The following SIPA1L1 variants were observed in gnomAD, a reference collection of about 807,000 sequenced individuals.
The protein encoded by SIPA1L1 is signal induced proliferation associated 1 like 1.
In SIPA1L1, 26 loss-of-function variants were observed where a neutral mutation model predicts 162.7. The ratio of observed to expected loss-of-function variants is 0.16; its 90% confidence interval spans 0.12 to 0.22. The LOEUF (loss-of-function observed/expected upper bound fraction) is 0.22, where lower values mean the gene tolerates loss of function less well. Among genes scored for constraint, SIPA1L1 ranks in the 10% least tolerant of loss-of-function variants. SIPA1L1 has a pLI of 1.00. For missense variants in SIPA1L1, 1,874 were observed against 2,241.0 expected (o/e 0.84, Z 3.31); for synonymous variants, 829 against 837.4 (o/e 0.99, Z 0.17).
chr14:71,564,261 T>G (rs1000593380), intron 4 of SIPA1L1, among the ~76,000 whole-genome samples: 1 of 152,114 alleles, frequency 6.6e-6, no homozygotes, highest in African/African-American at 2.4e-5. Flanking sequence ...ATTTTCCTTC[T>G]TAATACTATT....
intron 4 of SIPA1L1, among the ~76,000 whole-genome samples, chr14:71,537,179 T>C (rs906664264): frequency 1.3e-5 from 2 of 152,174 alleles, no homozygotes; most frequent in African/African-American, 4.8e-5. Flanking sequence ...GGGCTGCTGA[T>C]TCTATTAAGT....
chr14:71,435,678 T>A (rs959191024), intron 2 of SIPA1L1, among the ~76,000 whole-genome samples: 1 of 152,240 alleles, frequency 6.6e-6, no homozygotes, highest in African/African-American at 2.4e-5. Flanking sequence ...TATAGTCCTT[T>A]GGGTATATAC....
At chr14:71,517,508 C>T (rs1314345272) in intron 3 of SIPA1L1, among the ~76,000 whole-genome samples, 1 of 152,020 alleles carries the variant, frequency 6.6e-6, no homozygotes, top group African/African-American at 2.4e-5. Context: ...TTATATGTGT[C>T]TCCGGGCGAC....
intron 2 of SIPA1L1, among the ~76,000 whole-genome samples, chr14:71,509,752 A>G (rs2050968267): frequency 6.6e-6 from 1 of 151,972 alleles, no homozygotes; most frequent in South Asian, 2.1e-4. Context: ...CTCAAAAAAA[A>G]AAAAAAGAAA....
intron 3 of SIPA1L1, among the ~76,000 whole-genome samples, chr14:71,524,899 A>G (rs1210808288): frequency 1.3e-5 from 2 of 152,114 alleles, no homozygotes; most frequent in Admixed American, 6.6e-5. Context: ...AACCTTGCCT[A>G]TCTGTAATCA....
chr14:71,594,687 A>G (rs2035828573), intron 5 of SIPA1L1, among the ~76,000 whole-genome samples: 1 of 152,230 alleles, frequency 6.6e-6, no homozygotes, highest in Non-Finnish European at 1.5e-5. Flanking sequence ...GTTTTTATAC[A>G]TATATAATAA....
At chr14:71,501,624 T>C (rs2050222297) in intron 2 of SIPA1L1, among the ~76,000 whole-genome samples, 1 of 152,208 alleles carries the variant, frequency 6.6e-6, no homozygotes, top group African/African-American at 2.4e-5. Context: ...ATGTTCTCTT[T>C]CCTGATCGAG....
chr14:71,495,150 G>C (rs571984312), intron 2 of SIPA1L1, among the ~76,000 whole-genome samples: 160 of 152,252 alleles, frequency 1.1e-3, no homozygotes, highest in South Asian at 1.9e-3. Context: ...AAAATGAGCT[G>C]GGAAGTGTTG....
At chr14:71,347,161 G>T (rs1167816959) in intron 2 of SIPA1L1, among the ~76,000 whole-genome samples, 1 of 150,630 alleles carries the variant, frequency 6.6e-6, no homozygotes, top group Non-Finnish European at 1.5e-5. Context: ...GGGTATCACC[G>T]CGTTGGCCAG....
In SIPA1L1 at chr14:71,702,962, C is replaced by A. The variant is rs376246793; in HGVS notation, c.3646+457C>A. On this transcript the variant is annotated intron_variant, in intron 15 of 23. Coordinates refer to ENST00000381232, the MANE Select transcript of SIPA1L1 (RefSeq NM_001386936.1). ...CCCTGATGTGCTTTTAAAAAAAATT[C>A]TTCTCACTCTGCTATTAAGCTGTCA... Among the ~76,000 whole-genome samples, 60 of 152,304 alleles carry A rather than the reference C, an allele frequency of 3.9e-4. No individual in the cohort carries two copies. In the South Asian group the frequency reaches 0.012, roughly 29 times the overall value.
intron 2 of SIPA1L1, among the ~76,000 whole-genome samples, chr14:71,396,290 C>T (rs1269158916): frequency 6.6e-6 from 1 of 152,120 alleles, no homozygotes; most frequent in Non-Finnish European, 1.5e-5. Flanking sequence ...TATCTAAAGA[C>T]TTTTTATATA....
At position 71,588,742 on chromosome 14, in the gene SIPA1L1, T is replaced by C. The variant is rs762449566; in HGVS notation, c.870T>C (p.Thr290=). The change falls in exon 5 of 24, where the codon ACT becomes ACC. Residue 290 remains threonine (T), a synonymous_variant. Coordinates refer to ENST00000381232, the MANE Select transcript of SIPA1L1 (RefSeq NM_001386936.1). The surrounding 1 kb of genome is among the most constrained non-coding windows in gnomAD (Gnocchi z 4.3). The stretch of plus-strand genomic sequence containing the variant: ...TCAAGCGACGTTCAAAATCTGAAAC[T>C]GGAGACTCATCTATTTTTCGTAAAT... The part of the protein sequence containing the change: ...KPLKRRSKSE[T]GDSSIFRKLR... 3.1e-5 allele frequency: 50 copies of C among 1,613,962 alleles called. No homozygotes were observed. Among genetic ancestry groups the C allele is most frequent in the Non-Finnish European group, 4.1e-5 (48 of 1,179,992 alleles).
intron 17 of SIPA1L1, among the ~76,000 whole-genome samples, chr14:71,721,561 C>T (rs943578036): frequency 2.0e-5 from 3 of 152,308 alleles, no homozygotes; most frequent in East Asian, 3.9e-4. Context: ...GGGTCTGGAA[C>T]GCCACTCAGG....
intron 2 of SIPA1L1, among the ~76,000 whole-genome samples, chr14:71,464,530 A>G (rs1280905927): frequency 1.3e-5 from 2 of 152,104 alleles, no homozygotes; most frequent in Non-Finnish European, 2.9e-5. Context: ...AATCCCAGCT[A>G]CTTAGGAGGC....
chr14:71,579,923 C>G (rs1011899099), intron 4 of SIPA1L1, among the ~76,000 whole-genome samples: 1 of 152,196 alleles, frequency 6.6e-6, no homozygotes, highest in Non-Finnish European at 1.5e-5. Flanking sequence ...TTCCTACATA[C>G]TTGTCTTCTT....
In SIPA1L1 at chr14:71,735,336, T is replaced by A. The variant is rs1467319526; in HGVS notation, c.5068T>A (p.Ser1690Thr). 1.2e-6 allele frequency: 2 copies of A among 1,614,078 alleles called. No individual in the cohort carries two copies. The highest frequency in any genetic ancestry group is 1.7e-6 in the Non-Finnish European group (2 of 1,180,024). The change falls in exon 22 of 24, where the codon TCC becomes ACC. Residue 1690 changes from serine to threonine, a missense_variant. By Grantham distance (58) the Ser-to-Thr change is moderately conservative. This residue lies in a region of SIPA1L1 where 936 missense variants were observed against 1,051.9 expected (regional missense o/e 0.89). Transcript: ENST00000381232. ...DENHRPLSAASNSDQLEDQAL... is the reference protein window; with the variant it reads ...DENHRPLSAATNSDQLEDQAL... ...AAACCATCGCCCCTTGAGTGCTGCATCCAACAGTGATCAGCTGGAGGACCA... is the reference window on the plus strand; with the variant it reads ...AAACCATCGCCCCTTGAGTGCTGCAACCAACAGTGATCAGCTGGAGGACCA...
intron 4 of SIPA1L1, among the ~76,000 whole-genome samples, chr14:71,545,912 G>A (rs991703722): frequency 1.3e-5 from 2 of 152,048 alleles, no homozygotes; most frequent in Admixed American, 1.3e-4. Context: ...ACCAGCCTGG[G>A]CAACACAGTG....
At chr14:71,356,586 A>AAAAAAAAAAAAAAAAAC (rs1323653711) in intron 2 of SIPA1L1, among the ~76,000 whole-genome samples, 2 of 147,294 alleles carry the variant, frequency 1.4e-5, no homozygotes, top group African/African-American at 2.5e-5. Context: ...AAAAAAAAAA[A>AAAAAAAAAAAAAAAAAC]AGCACACCTG....
chr14:71,358,850 C>T (rs1178483733), intron 2 of SIPA1L1, among the ~76,000 whole-genome samples: 1 of 152,084 alleles, frequency 6.6e-6, no homozygotes, highest in East Asian at 1.9e-4. Flanking sequence ...AGGTGCTATA[C>T]ACTTTTAGAT....
Sources: allele counts gnomAD v4.1 joint callset (sites outside exome capture counted in the v4.1 genomes callset), GRCh38; gene constraint gnomAD v4.1.1; regional missense constraint gnomAD v4.1.1; non-coding constraint Gnocchi (gnomAD v3.1); transcripts MANE v1.5; gene names NCBI Gene and HGNC (gene_info 2026-07-23, HGNC 2026-07-21).